ATP2A2: variants seen among roughly 807,000 people sequenced by gnomAD.
The protein encoded by ATP2A2 is ATPase sarcoplasmic/endoplasmic reticulum Ca2+ transporting 2, also known as sarcoplasmic/endoplasmic reticulum calcium ATPase 2.
Under a neutral mutation model 109.3 loss-of-function variants are expected in ATP2A2, and 14 were observed. That is an observed-to-expected ratio of 0.13 (90% CI 0.08 to 0.20). The LOEUF is 0.20. ATP2A2 is among the 10% of genes least tolerant of loss of function. ATP2A2 has a pLI of 1.00. For missense variants in ATP2A2, 657 were observed against 1,321.6 expected (o/e 0.50, Z 7.80); for synonymous variants, 506 against 490.9 (o/e 1.03, Z -0.41).
chr12:110,350,476 G>A lies in ATP2A2; in HGVS notation c.*4006G>A. ...GGAGGAAATGTGTATTACCAATGGG[G>A]TTGTTAGCTTTTAAATCAAAATACT... On this transcript the variant is annotated 3_prime_UTR_variant, in exon 20 of 20. Coordinates refer to ENST00000539276, the MANE Select transcript of ATP2A2 (RefSeq NM_170665.4). 4 of 1,011,696 alleles carry A rather than the reference G, an allele frequency of 4.0e-6. No individual in the cohort carries two copies. The highest frequency in any genetic ancestry group is 1.6e-5 in the African/African-American group (1 of 61,720). The allele number at this position is 1,011,696 out of a possible 1,614,324, so 62.7% of individuals were successfully genotyped here.
rs112086028 is a variant in ATP2A2 at position 110,325,526 on chromosome 12, T to TGGGA, written c.545-861_545-858dup. 1.9e-3 allele frequency among the ~76,000 whole-genome samples: 280 copies of TGGGA among 151,252 alleles called. 2 individuals are homozygous for TGGGA. Among genetic ancestry groups the TGGGA allele is most frequent in the African/African-American group, 6.4e-3 (265 of 41,174 alleles). ...GCACATGCCTGTAATCCCAGCTACT[T>TGGGA]GGGAGGCTGAGGCTGGAAAATTGCC... On this transcript the variant is annotated intron_variant, in intron 6 of 19. Coordinates refer to ENST00000539276, the MANE Select transcript of ATP2A2 (RefSeq NM_170665.4).
intron 6 of ATP2A2, among the ~76,000 whole-genome samples, chr12:110,324,699 C>A (rs1877592124): frequency 6.6e-6 from 1 of 152,024 alleles, no homozygotes; most frequent in Non-Finnish European, 1.5e-5. Context: ...GGATTACAGG[C>A]ATTTAAAAAC....
chr12:110,343,425 G>C lies in ATP2A2; in HGVS notation c.2512G>C (p.Ala838Pro). The C allele has an allele frequency of 6.2e-7, 1 of 1,614,072 alleles. No individual in the cohort carries two copies. The highest frequency in any genetic ancestry group is 8.5e-7 in the Non-Finnish European group (1 of 1,179,974). ...CGGGTGGCTCTTTTTCCGTTACTTG[G>C]CTATTGGCTGTGAGTACAATTTTTT... Reference protein sequence around the residue: ...ISGWLFFRYLAIGCYVGAATV... With the variant: ...ISGWLFFRYLPIGCYVGAATV... The change falls in exon 16 of 20, where the codon GCT becomes CCT. Residue 838 changes from alanine to proline, a missense_variant. This residue lies in a region of ATP2A2 where 125 missense variants were observed against 243.5 expected (regional missense o/e 0.51). Coordinates refer to ENST00000539276, the MANE Select transcript of ATP2A2 (RefSeq NM_170665.4).
At chr12:110,321,100 C>G (rs924272795) in intron 5 of ATP2A2, among the ~76,000 whole-genome samples, 1 of 152,128 alleles carries the variant, frequency 6.6e-6, no homozygotes, top group South Asian at 2.1e-4. Context: ...TGGTGGCGCA[C>G]GCCTGTAGTC....
Position 110,327,507 on chromosome 12 carries a change from G to T in ATP2A2, c.631-46G>T. 1 of 1,560,086 alleles carries T rather than the reference G, an allele frequency of 6.4e-7. No individual in the cohort carries two copies. Among genetic ancestry groups the T allele is most frequent in the South Asian group, 1.1e-5 (1 of 89,980 alleles). Reference sequence around the variant, plus strand: ...AAAAACCAGCGTCGGTATTTAAGTTGGGATGTGGTATTCATCTTGTGACCA... The same window carrying T: ...AAAAACCAGCGTCGGTATTTAAGTTTGGATGTGGTATTCATCTTGTGACCA... On this transcript the variant is annotated intron_variant, in intron 7 of 19. Transcript: ENST00000539276. This position sits in a 1 kb window ranked among gnomAD's most constrained non-coding sequence, Gnocchi z 4.4.
chr12:110,348,753 G>A lies in ATP2A2; in HGVS notation c.*2283G>A, dbSNP rs2137883820. 1.0e-6 allele frequency: 1 copy of A among 985,504 alleles called. No individual in the cohort carries two copies. The highest frequency in any genetic ancestry group is 6.1e-5 in the Admixed American group (1 of 16,292). 61.0% of individuals were successfully genotyped at this position (985,504 alleles called of 1,614,324 possible). A position where few individuals can be genotyped will look rare whatever the true frequency, so the allele number is the denominator to read the frequency against. On this transcript the variant is annotated 3_prime_UTR_variant, in exon 20 of 20. Transcript: ENST00000539276. ...CCTCCAAGGCTGCTCGCAGGCAGCTGTGGCTCTCGGGAAGGGAGGCTGCTT... is the reference window on the plus strand; with the variant it reads ...CCTCCAAGGCTGCTCGCAGGCAGCTATGGCTCTCGGGAAGGGAGGCTGCTT...
chr12:110,330,929 C>G (rs1878269071), intron 8 of ATP2A2: 1 of 152,114 alleles, frequency 6.6e-6, no homozygotes. Flanking sequence ...ATATTTTGGG[C>G]TTTGGTATAG....
rs971864039 is a variant in ATP2A2 at position 110,281,933 on chromosome 12, G to A, written c.118+26G>A. 8 of 1,541,616 alleles carry A rather than the reference G, an allele frequency of 5.2e-6. No homozygotes were observed. In the Admixed American group the frequency reaches 1.3e-4, roughly 26 times the overall value. ...GTAGGTGCAGGGCGCTCCGCTGCAG[G>A]GGCCCGGCGCGGCCGGGAGAGCCAG... On this transcript the variant is annotated intron_variant, in intron 1 of 19. Coordinates refer to ENST00000539276, the MANE Select transcript of ATP2A2 (RefSeq NM_170665.4).
At chr12:110,320,936 A>T (rs1217564738) in intron 5 of ATP2A2, among the ~76,000 whole-genome samples, 2 of 152,240 alleles carry the variant, frequency 1.3e-5, no homozygotes, top group Admixed American at 1.3e-4. Flanking sequence ...AGGTTTAAGA[A>T]GTTCAGTGTT....
chr12:110,346,584 G>C lies in ATP2A2; in HGVS notation c.*114G>C. ...CATGAACATACTGGCTGGTGATGGAGGTTTCATACTCTAGATTTTGTTTTG... is the reference window on the plus strand; with the variant it reads ...CATGAACATACTGGCTGGTGATGGACGTTTCATACTCTAGATTTTGTTTTG... On this transcript the variant is annotated 3_prime_UTR_variant, in exon 20 of 20. Coordinates refer to ENST00000539276, the MANE Select transcript of ATP2A2 (RefSeq NM_170665.4). 5.9e-6 allele frequency: 9 copies of C among 1,534,616 alleles called. No homozygotes were observed. Among genetic ancestry groups the C allele is most frequent in the Non-Finnish European group, 7.8e-6 (9 of 1,147,076 alleles).
At chr12:110,292,631 C>T (rs1163109530) in intron 4 of ATP2A2, among the ~76,000 whole-genome samples, 1 of 152,122 alleles carries the variant, frequency 6.6e-6, no homozygotes, top group African/African-American at 2.4e-5. Context: ...GTTAAGATTG[C>T]TCATTCTTCG....
At chr12:110,334,244 C>T in intron 11 of ATP2A2, 101 bp downstream of exon 11, 2 of 1,393,966 alleles carry the variant, frequency 1.4e-6, no homozygotes, top group South Asian at 1.2e-5. Context: ...CTAATTATAC[C>T]TTATCTCCTC....
intron 5 of ATP2A2, among the ~76,000 whole-genome samples, chr12:110,299,883 A>G (rs549475239): frequency 5.9e-5 from 9 of 152,268 alleles, no homozygotes; most frequent in South Asian, 2.1e-4. Flanking sequence ...CAGCCTCCCA[A>G]GTAGCTGGGA....
intron 11 of ATP2A2, among the ~76,000 whole-genome samples, chr12:110,337,429 T>C (rs1878939214): frequency 6.6e-6 from 1 of 152,218 alleles, no homozygotes; most frequent in Non-Finnish European, 1.5e-5. Flanking sequence ...CCTTTAGTCA[T>C]CCCAGTGCCA....
At position 110,282,641 on chromosome 12, in the gene ATP2A2, T is replaced by C; in HGVS notation, c.136+20T>C. On this transcript the variant is annotated intron_variant, in intron 2 of 19. Coordinates refer to ENST00000539276, the MANE Select transcript of ATP2A2 (RefSeq NM_170665.4). ...AAGAAGGTAATCTTAACATGCTGTTTCTGTTTTTTTTCCTCTGTTGGTGTG... is the reference window on the plus strand; with the variant it reads ...AAGAAGGTAATCTTAACATGCTGTTCCTGTTTTTTTTCCTCTGTTGGTGTG... The C allele has an allele frequency of 6.2e-7, 1 of 1,613,284 alleles. No individual in the cohort carries two copies. The highest frequency in any genetic ancestry group is 8.5e-7 in the Non-Finnish European group (1 of 1,179,254).
intron 16 of ATP2A2, among the ~76,000 whole-genome samples, 187 bp downstream of exon 16, chr12:110,343,621 C>G (rs1024273155): frequency 6.6e-6 from 1 of 152,150 alleles, no homozygotes; most frequent in South Asian, 2.1e-4. Context: ...ACAGTTAGTT[C>G]CAGTTTTAGC....
intron 3 of ATP2A2, among the ~76,000 whole-genome samples, chr12:110,284,614 A>T (rs1872488780): frequency 6.6e-6 from 1 of 152,172 alleles, no homozygotes; most frequent in Admixed American, 6.6e-5. Flanking sequence ...TATAGTTTGT[A>T]AGCATTTCAA....
At chr12:110,320,773 C>T (rs1399240386) in intron 5 of ATP2A2, among the ~76,000 whole-genome samples, 1 of 152,080 alleles carries the variant, frequency 6.6e-6, no homozygotes, top group Non-Finnish European at 1.5e-5. Flanking sequence ...TGATCTTTGC[C>T]TGTTGAGATT....
At chr12:110,302,505 C>T (rs895547455) in intron 5 of ATP2A2, among the ~76,000 whole-genome samples, 2 of 152,032 alleles carry the variant, frequency 1.3e-5, no homozygotes, top group Admixed American at 1.3e-4. Context: ...GCTCTTCCCC[C>T]ACAGTATGGT....
Sources: allele counts gnomAD v4.1 joint callset (sites outside exome capture counted in the v4.1 genomes callset), GRCh38; gene constraint gnomAD v4.1.1; regional missense constraint gnomAD v4.1.1; non-coding constraint Gnocchi (gnomAD v3.1); transcripts MANE v1.5; gene names NCBI Gene and HGNC (gene_info 2026-07-23, HGNC 2026-07-21).